Variants in COQ10B observed in about 807,000 individuals in gnomAD.
COQ10B encodes coenzyme Q10B.
A neutral mutation model predicts 27.6 loss-of-function variants in COQ10B; 12 were observed. That is an observed-to-expected ratio of 0.43 (90% CI 0.28 to 0.70). The LOEUF (loss-of-function observed/expected upper bound fraction) is 0.70, where lower values mean the gene tolerates loss of function less well. COQ10B is among the 30% of genes least tolerant of loss of function. The pLI is 0.17. For synonymous variants in COQ10B, 115 were observed against 103.0 expected, an observed-to-expected ratio of 1.12 and a Z score of -0.71; for missense variants, 278 against 288.7, an observed-to-expected ratio of 0.96 and a Z score of 0.27.
intron 2 of COQ10B, 113 bp downstream of exon 2, chr2:197,460,194 C>A: frequency 2.1e-5 from 13 of 625,470 alleles, no homozygotes; most frequent in Non-Finnish European, 3.0e-5. Flanking sequence ...GCTCTCTTTT[C>A]TAGGTTGGCC....
At chr2:197,472,372 C>T (rs1226793991) in intron 4 of COQ10B, among the ~76,000 whole-genome samples, 1 of 151,990 alleles carries the variant, frequency 6.6e-6, no homozygotes, top group Non-Finnish European at 1.5e-5. Context: ...TCCCTCTTTT[C>T]CACTTAACCA....
At chr2:197,455,736 G>C (rs2085690857) in intron 1 of COQ10B, among the ~76,000 whole-genome samples, 1 of 152,178 alleles carries the variant, frequency 6.6e-6, no homozygotes, top group East Asian at 1.9e-4. Context: ...GAGGCAGGAG[G>C]ATCACTTGAA....
chr2:197,470,241 G>A, intron 4 of COQ10B, 70 bp downstream of exon 4: 1 of 799,092 alleles, frequency 1.3e-6, no homozygotes, highest in East Asian at 2.6e-5. Context: ...TCATTTTTTA[G>A]AACACAGAGG....
intron 1 of COQ10B, chr2:197,454,142 T>G: frequency 1.3e-6 from 2 of 1,548,744 alleles, no homozygotes; most frequent in East Asian, 4.9e-5. Flanking sequence ...CCATTTAGTG[T>G]TTACAAAACT....
At position 197,460,044 on chromosome 2, in the gene COQ10B, A is replaced by C; in HGVS notation, c.217A>C (p.Asn73His). Residue 73 changes from asparagine (N) to histidine (H), a missense_variant, in exon 2 of 5, where the codon AAC (asparagine) becomes CAC (histidine). Asn to His is a moderately conservative substitution (Grantham distance 68). Transcript: ENST00000263960. ...CTTCAAAATCACTGCACCATTAATA[A>C]ACAAAAGGAAAGAATATTCAGAGAG... ...TFFKITAPLI[N>H]KRKEYSERRI... The C allele has an allele frequency of 6.2e-7, 1 of 1,610,188 alleles. No homozygotes were observed. The highest frequency in any genetic ancestry group is 8.5e-7 in the Non-Finnish European group (1 of 1,177,692).
At chr2:197,454,420 A>C (rs1341895914) in intron 1 of COQ10B, among the ~76,000 whole-genome samples, 2 of 152,116 alleles carry the variant, frequency 1.3e-5, no homozygotes, top group African/African-American at 4.8e-5. Context: ...AGAAAACACA[A>C]ATCTAGTTGA....
intron 1 of COQ10B, among the ~76,000 whole-genome samples, chr2:197,458,778 T>C (rs1245485981): frequency 6.6e-6 from 1 of 151,872 alleles, no homozygotes; most frequent in Non-Finnish European, 1.5e-5. Flanking sequence ...CCTCCCGGGT[T>C]CAAGTGATTC....
chr2:197,456,012 A>G (rs925028928), intron 1 of COQ10B, among the ~76,000 whole-genome samples: 3 of 152,120 alleles, frequency 2.0e-5, no homozygotes, highest in African/African-American at 7.2e-5. Context: ...TGTGGTGTAT[A>G]TATTAATACA....
chr2:197,473,685 C>T (rs948613586), intron 4 of COQ10B, 72 bp from the exon 5 acceptor site: 97 of 1,144,894 alleles, frequency 8.5e-5, no homozygotes, highest in Non-Finnish European at 1.0e-4. Flanking sequence ...GAGTCCCTCT[C>T]CAGGAAAACC....
At chr2:197,461,766 G>A (rs777907671) in intron 2 of COQ10B, among the ~76,000 whole-genome samples, 4 of 151,804 alleles carry the variant, frequency 2.6e-5, no homozygotes, top group Admixed American at 1.3e-4. Context: ...TCAGCCTCCC[G>A]AGTAGCTGGG....
Position 197,453,675 on chromosome 2 carries a change from G to A in COQ10B, c.104+11G>A, listed in dbSNP as rs775282035. The stretch of plus-strand genomic sequence containing the variant: ...CGTGCGGAATGGCAGGTAATCAACA[G>A]CGGGGGCGCTGAGACGAGAGTAGTT... On this transcript the variant is annotated intron_variant, in intron 1 of 4. Coordinates refer to ENST00000263960, the MANE Select transcript of COQ10B (RefSeq NM_025147.5). 5.6e-6 allele frequency: 9 copies of A among 1,608,646 alleles called. No individual in the cohort carries two copies. The highest frequency in any genetic ancestry group is 7.7e-6 in the Non-Finnish European group (9 of 1,175,406).
chr2:197,461,379 C>A (rs1208849215), intron 2 of COQ10B, among the ~76,000 whole-genome samples: 1 of 152,080 alleles, frequency 6.6e-6, no homozygotes, highest in Non-Finnish European at 1.5e-5. Flanking sequence ...CTGGCAACAG[C>A]TAATTGTGAC....
intron 4 of COQ10B, among the ~76,000 whole-genome samples, chr2:197,472,666 T>A (rs2085889955): frequency 6.6e-6 from 1 of 151,984 alleles, no homozygotes; most frequent in South Asian, 2.1e-4. Context: ...TAACTGGACG[T>A]GGTGGCAGGT....
At chr2:197,458,076 T>C (rs1307893867) in intron 1 of COQ10B, among the ~76,000 whole-genome samples, 1 of 151,820 alleles carries the variant, frequency 6.6e-6, no homozygotes, top group Admixed American at 6.6e-5. Context: ...TCTCTCTAAT[T>C]GGGGTTGTGT....
At chr2:197,463,775 A>T (rs1313548111) in intron 3 of COQ10B, among the ~76,000 whole-genome samples, 5 of 150,060 alleles carry the variant, frequency 3.3e-5, no homozygotes, top group Non-Finnish European at 1.5e-5. Flanking sequence ...TCTACTAAAA[A>T]TACGAAAAAA....
At chr2:197,470,666 G>C (rs981732728) in intron 4 of COQ10B, among the ~76,000 whole-genome samples, 7 of 151,988 alleles carry the variant, frequency 4.6e-5, no homozygotes, top group Non-Finnish European at 1.0e-4. Flanking sequence ...AGGCTGAGGC[G>C]GGCAGATCAC....
chr2:197,462,395 T>A (rs967747991), intron 2 of COQ10B, 144 bp from the exon 3 acceptor site: 1 of 519,150 alleles, frequency 1.9e-6, no homozygotes, highest in Non-Finnish European at 3.3e-6. Flanking sequence ...TTTGAGGTCA[T>A]TGATTCCAGA....
At position 197,475,086 on chromosome 2, in the gene COQ10B, GT is replaced by G. The variant is rs1221965446; in HGVS notation, c.*1164del. ...AAAACAAATCAATGTAAGGACTGAA[GT>G]TGAAGTAGCAATGTAATAAAGTTAA... On this transcript the variant is annotated 3_prime_UTR_variant, in exon 5 of 5. Transcript: ENST00000263960. The G allele has an allele frequency of 2.0e-5, 3 of 152,328 alleles. No homozygotes were observed. Among genetic ancestry groups the G allele is most frequent in the Non-Finnish European group, 2.9e-5 (2 of 68,040 alleles). The allele number at this position is 152,328 out of a possible 1,614,324, so 9.4% of individuals were successfully genotyped here.
At chr2:197,472,282 G>A (rs1168839679) in intron 4 of COQ10B, among the ~76,000 whole-genome samples, 1 of 152,094 alleles carries the variant, frequency 6.6e-6, no homozygotes, top group Non-Finnish European at 1.5e-5. Context: ...ATAAAGTTCT[G>A]AAAGGGTATC....
Sources: gnomAD v4.1 joint callset for allele counts (sites outside exome capture counted in the v4.1 genomes callset) on GRCh38, gnomAD v4.1.1 for gene constraint, MANE v1.5 for transcripts, NCBI Gene and HGNC (gene_info 2026-07-23, HGNC 2026-07-21) for gene names.